The following DDR2 variants were observed in gnomAD, a reference collection of about 807,000 sequenced individuals.
The protein encoded by DDR2 is discoidin domain receptor tyrosine kinase 2.
DDR2 carries 27 observed loss-of-function variants against 94.9 expected under a neutral mutation model. That is an observed-to-expected ratio of 0.28 (90% CI 0.21 to 0.39). The LOEUF (loss-of-function observed/expected upper bound fraction) is 0.39, where lower values mean the gene tolerates loss of function less well. DDR2 is among the 10% of genes least tolerant of loss of function. The pLI, the probability that DDR2 is intolerant of heterozygous loss-of-function variation, is 1.00. For missense variants in DDR2, 783 were observed against 1,076.0 expected (o/e 0.73, Z 3.81); for synonymous variants, 382 against 377.2 (o/e 1.01, Z -0.15).
intron 4 of DDR2, 57 bp downstream of exon 4, chr1:162,753,254 C>T: frequency 6.6e-7 from 1 of 1,506,510 alleles, no homozygotes; most frequent in Non-Finnish European, 9.2e-7. Flanking sequence ...ATTTCCTGGG[C>T]ACAGATTCCT....
chr1:162,673,796 C>T (rs1342087552), intron 2 of DDR2, among the ~76,000 whole-genome samples: 1 of 151,914 alleles, frequency 6.6e-6, no homozygotes, highest in African/African-American at 2.4e-5. Context: ...CCCCATGGAC[C>T]ATGCTATGTC....
At chr1:162,729,292 A>ATTT (rs1302068654) in intron 3 of DDR2, among the ~76,000 whole-genome samples, 22 of 23,822 alleles carry the variant, frequency 9.2e-4, no homozygotes, top group African/African-American at 3.3e-3. Flanking sequence ...ATATATATAT[A>ATTT]TATATATATT....
chr1:162,683,495 A>G (rs745981070), intron 2 of DDR2, among the ~76,000 whole-genome samples: 5 of 152,188 alleles, frequency 3.3e-5, no homozygotes, highest in Non-Finnish European at 5.9e-5. Context: ...ATACAGGCTC[A>G]ACAAGCTCAC....
Position 162,786,597 on chromosome 1 carries a change from A to C in DDR2, c.*6351A>C, listed in dbSNP as rs1648159115. On this transcript the variant is annotated 3_prime_UTR_variant, in exon 18 of 18. Transcript: ENST00000367921. ...GATGGATCTCCCTTTCTGTATAAAC[A>C]GTGCCAGTTCTGGGCTTTGTAACCT... 1 of 152,246 alleles carries C rather than the reference A, an allele frequency of 6.6e-6. No individual in the cohort carries two copies. The highest frequency in any genetic ancestry group is 2.4e-5 in the African/African-American group (1 of 41,460). 9.4% of individuals were successfully genotyped at this position (152,246 alleles called of 1,614,324 possible). A position where few individuals can be genotyped will look rare whatever the true frequency, so the allele number is the denominator to read the frequency against.
rs2102132230 is a variant in DDR2, at chr1:162,754,617, T to C, written c.186-7T>C. 1.9e-6 allele frequency: 3 copies of C among 1,613,934 alleles called. No homozygotes were observed. The highest frequency in any genetic ancestry group is 2.5e-6 in the Non-Finnish European group (3 of 1,179,934). On this transcript the variant is annotated splice_region_variant and splice_polypyrimidine_tract_variant and intron_variant, in intron 4 of 17. Transcript: ENST00000367921. ...GCTCCCTCTCTCCCCAACCCTCACCTCTCAAGGCTGGACTCAGAAGAAGGG... is the reference window on the plus strand; with the variant it reads ...GCTCCCTCTCTCCCCAACCCTCACCCCTCAAGGCTGGACTCAGAAGAAGGG...
At chr1:162,656,839 T>TTTTTG (rs1657997936) in intron 2 of DDR2, among the ~76,000 whole-genome samples, 1 of 117,196 alleles carries the variant, frequency 8.5e-6, no homozygotes, top group Non-Finnish European at 1.9e-5. Context: ...TGGAGTTTTT[T>TTTTTG]TTTTTTTTTT....
intron 2 of DDR2, among the ~76,000 whole-genome samples, chr1:162,712,478 G>A (rs1395528269): frequency 1.3e-5 from 2 of 151,804 alleles, no homozygotes; most frequent in Non-Finnish European, 2.9e-5. Context: ...TTCTAGTTGT[G>A]GCTGCCACAC....
chr1:162,663,866 A>G (rs1039836776), intron 2 of DDR2, among the ~76,000 whole-genome samples: 1 of 152,152 alleles, frequency 6.6e-6, no homozygotes, highest in African/African-American at 2.4e-5. Context: ...TCAGGAAAGC[A>G]CCACTAATCT....
At chr1:162,649,135 C>T (rs1027610923) in intron 1 of DDR2, among the ~76,000 whole-genome samples, 4 of 152,090 alleles carry the variant, frequency 2.6e-5, no homozygotes, top group Non-Finnish European at 5.9e-5. Context: ...AAGTAGATTA[C>T]AGGGCCACAG....
chr1:162,663,310 C>T (rs1485870805), intron 2 of DDR2, among the ~76,000 whole-genome samples: 3 of 152,134 alleles, frequency 2.0e-5, no homozygotes, highest in Non-Finnish European at 4.4e-5. Context: ...TCTGTTTTAG[C>T]TCACAAACTA....
Position 162,755,277 on chromosome 1 carries a change from T to G in DDR2, c.539T>G (p.Val180Gly). 2 of 1,613,758 alleles carry G rather than the reference T, an allele frequency of 1.2e-6. No individual in the cohort carries two copies. The highest frequency in any genetic ancestry group is 2.2e-5 in the East Asian group (1 of 44,862). The change falls in exon 6 of 18, where the codon GTG becomes GGG. Residue 180 changes from valine to glycine, a missense_variant. Transcript: ENST00000367921. Reference protein sequence around the residue: ...TDHSMNVCMRVELYGCVWLDG... With the variant: ...TDHSMNVCMRGELYGCVWLDG... ...CACTCCATGAATGTGTGTATGAGAG[T>G]GGAGCTTTACGGCTGTGTCTGGCTA...
chr1:162,657,510 T>C lies in DDR2; in HGVS notation c.-28+2136T>C, dbSNP rs542778718. On this transcript the variant is annotated intron_variant, in intron 2 of 17. Transcript: ENST00000367921. ...GAACATAAGGCATACTCTGGATGGG[T>C]AGCCACCTGCTTTTCAAAGATCTTG... is the stretch of plus-strand genomic sequence containing the variant. Among the ~76,000 whole-genome samples the C allele has an allele frequency of 9.8e-5, 15 of 152,320 alleles. No individual in the cohort carries two copies. The South Asian group carries it at 3.1e-3, about 32-fold the overall frequency.
chr1:162,719,091 G>GTGC lies in DDR2; in HGVS notation c.31_33dup (p.Leu11dup). 6.2e-7 allele frequency: 1 copy of GTGC among 1,613,810 alleles called. No homozygotes were observed. Among genetic ancestry groups the GTGC allele is most frequent in the Non-Finnish European group, 8.5e-7 (1 of 1,179,818 alleles). ...GATCCTGATTCCCAGAATGCTCTTGGTGCTGTTCCTGCTGCTGCCTATCTT... is the reference window on the plus strand; with the variant it reads ...GATCCTGATTCCCAGAATGCTCTTGGTGCTGCTGTTCCTGCTGCTGCCTATCTT... On this transcript the variant is annotated inframe_insertion, in exon 3 of 18. Coordinates refer to ENST00000367921, the MANE Select transcript of DDR2 (RefSeq NM_006182.4).
intron 1 of DDR2, among the ~76,000 whole-genome samples, chr1:162,651,183 T>A (rs61810412): frequency 0.067 from 10,214 of 152,232 alleles, 372 homozygotes; most frequent in Admixed American, 0.089. Flanking sequence ...GAGCCTGCCA[T>A]CCCACTCTCC....
intron 2 of DDR2, among the ~76,000 whole-genome samples, chr1:162,673,594 TATGTGTGTGTGTGTGAGAGAGAGAGA>T (rs1558018891): frequency 8.2e-6 from 1 of 121,560 alleles, no homozygotes; most frequent in African/African-American, 4.6e-5. Context: ...TGTGTGTGTG[TATGTGTGTGTGTGTGAGAGAGAGAGA>T]GAGAGAGAGA....
chr1:162,644,794 C>T (rs1300391750), intron 1 of DDR2, among the ~76,000 whole-genome samples: 1 of 152,104 alleles, frequency 6.6e-6, no homozygotes, highest in African/African-American at 2.4e-5. Flanking sequence ...GGGGGTTTCA[C>T]TCTGTTGGCC....
At chr1:162,655,910 G>C (rs1657935178) in intron 2 of DDR2, among the ~76,000 whole-genome samples, 1 of 152,104 alleles carries the variant, frequency 6.6e-6, no homozygotes, top group African/African-American at 2.4e-5. Flanking sequence ...TTATATTTTG[G>C]GGGAATTAAA....
chr1:162,770,832 G>A, intron 12 of DDR2: 2 of 391,300 alleles, frequency 5.1e-6, no homozygotes, highest in South Asian at 2.2e-5. Flanking sequence ...TTACATGTCG[G>A]GAAAGTGAGA....
chr1:162,692,316 C>T (rs1012166167), intron 2 of DDR2, among the ~76,000 whole-genome samples: 19 of 152,264 alleles, frequency 1.2e-4, no homozygotes, highest in African/African-American at 2.4e-4. Flanking sequence ...AGATTGATCA[C>T]GTGAATTCCA....
Sources: allele counts gnomAD v4.1 joint callset (sites outside exome capture counted in the v4.1 genomes callset), GRCh38; gene constraint gnomAD v4.1.1; transcripts MANE v1.5; gene names NCBI Gene and HGNC (gene_info 2026-07-23, HGNC 2026-07-21).